The following ATP10D variants were observed in gnomAD, a reference collection of about 807,000 sequenced individuals.
ATP10D encodes phospholipid-transporting ATPase VD.
Under a neutral mutation model 144.8 loss-of-function variants are expected in ATP10D, and 89 were observed. That is an observed-to-expected ratio of 0.61 (90% CI 0.52 to 0.73). ATP10D has a LOEUF of 0.73. Among genes scored for constraint, ATP10D ranks in the 30% least tolerant of loss-of-function variants. The probability of loss-of-function intolerance (pLI) is 0.00; values close to 1 mark genes in which losing one functional copy is unlikely to be tolerated. For missense variants in ATP10D, 1,603 were observed against 1,714.8 expected (o/e 0.93, Z 1.15); for synonymous variants, 571 against 615.1 (o/e 0.93, Z 1.06).
rs11947521 is a variant in ATP10D at position 47,591,959 on chromosome 4, A to G, written c.*578A>G. On this transcript the variant is annotated 3_prime_UTR_variant, in exon 23 of 23. Coordinates refer to ENST00000273859, the MANE Select transcript of ATP10D (RefSeq NM_020453.4). ...TTAATAGCTTTTTATTTCCTATGGG[A>G]AGATGCTTTTGGTCTTCTGGCTGAA... The G allele has an allele frequency of 0.36, 54,164 of 151,802 alleles. 9,928 individuals are homozygous for G. Among genetic ancestry groups the G allele is most frequent in the Admixed American group, 0.4 (6,074 of 15,234 alleles). 9.4% of individuals were successfully genotyped at this position (151,802 alleles called of 1,614,324 possible).
intron 7 of ATP10D, 84 bp downstream of exon 7, chr4:47,536,117 G>T: frequency 6.7e-7 from 1 of 1,485,096 alleles, no homozygotes; most frequent in South Asian, 1.3e-5. Flanking sequence ...GTGAATATTT[G>T]ACTTTGGTAA....
chr4:47,545,136 G>A (rs1463424550), intron 9 of ATP10D, among the ~76,000 whole-genome samples: 1 of 152,198 alleles, frequency 6.6e-6, no homozygotes, highest in Non-Finnish European at 1.5e-5. Context: ...AATTCCGTAG[G>A]AAAGGCTTCC....
In ATP10D at chr4:47,546,626, A is replaced by G. The variant is rs1264025199; in HGVS notation, c.1399A>G (p.Arg467Gly). 2 of 1,613,736 alleles carry G rather than the reference A, an allele frequency of 1.2e-6. No homozygotes were observed. The highest frequency in any genetic ancestry group is 1.7e-6 in the Non-Finnish European group (2 of 1,179,742). ...TCAGTGTGCTTTTTATCCCACAGCC[A>G]GGAGGTTGGAGTCCTATCAGGAAGC... ...GFDYCHEENA[R>G]RLESYQEAVS... is the part of the protein sequence containing the mutation. The change falls in exon 10 of 23, where the codon AGG becomes GGG. Residue 467 changes from arginine to glycine, a missense_variant and splice_region_variant. Arg to Gly is a moderately radical substitution (Grantham distance 125). Transcript: ENST00000273859.
intron 10 of ATP10D, 136 bp downstream of exon 10, chr4:47,546,998 T>C (rs755244274): frequency 2.7e-6 from 2 of 737,338 alleles, no homozygotes; most frequent in Non-Finnish European, 4.4e-6. Flanking sequence ...CTCAGCAAGA[T>C]CACCACACAT....
chr4:47,556,442 T>C (rs1173446991), intron 11 of ATP10D, among the ~76,000 whole-genome samples: 1 of 152,230 alleles, frequency 6.6e-6, no homozygotes, highest in African/African-American at 2.4e-5. Flanking sequence ...TTCTAATAAA[T>C]CTGTTCCCAA....
chr4:47,501,018 A>C (rs1715654703), intron 1 of ATP10D, among the ~76,000 whole-genome samples: 1 of 152,186 alleles, frequency 6.6e-6, no homozygotes, highest in Non-Finnish European at 1.5e-5. Context: ...AGCCACTTTC[A>C]ACCTGTAGGT....
At position 47,560,956 on chromosome 4, in the gene ATP10D, G is replaced by A. The variant is rs1047121089; in HGVS notation, c.2549G>A (p.Ser850Asn). 3 of 1,614,174 alleles carry A rather than the reference G, an allele frequency of 1.9e-6. No homozygotes were observed. Among genetic ancestry groups the A allele is most frequent in the South Asian group, 1.1e-5 (1 of 91,080 alleles). ...RTLCIAKKVMSDTEYAEWLRN... is the reference protein window; with the variant it reads ...RTLCIAKKVMNDTEYAEWLRN... ...TTTTAATTCTTCCCGTAGGTCATGA[G>A]TGACACTGAATATGCAGAGTGGCTG... is the stretch of plus-strand genomic sequence containing the variant. The change falls in exon 14 of 23, where the codon AGT becomes AAT. Residue 850 changes from serine to asparagine, a missense_variant. Coordinates refer to ENST00000273859, the MANE Select transcript of ATP10D (RefSeq NM_020453.4).
chr4:47,512,761 A>G lies in ATP10D; in HGVS notation c.221A>G (p.Asn74Ser), dbSNP rs118048800. The G allele has an allele frequency of 9.0e-5, 145 of 1,614,116 alleles. 1 individual carries two copies. The East Asian group carries it at 3.2e-3, about 35-fold the overall frequency. The change falls in exon 2 of 23, where the codon AAT (asparagine) becomes AGT (serine). Residue 74 changes from asparagine to serine, a missense_variant. Physicochemically the swap from Asn to Ser is conservative, Grantham distance 46. Transcript: ENST00000273859. ...YEKFSGAYVN[N>S]RIRTTKYTLL... is the part of the protein sequence containing the mutation. ...AAGTTCTCCGGAGCCTATGTGAACA[A>G]TCGAATACGAACAACAAAGTACACA...
At chr4:47,494,395 T>C (rs1268038967) in intron 1 of ATP10D, among the ~76,000 whole-genome samples, 1 of 152,086 alleles carries the variant, frequency 6.6e-6, no homozygotes, top group Non-Finnish European at 1.5e-5. Context: ...CCATTAAAGT[T>C]GTAACTAATT....
rs955943532 is a variant in ATP10D at position 47,580,431 on chromosome 4, T to C, written c.3601T>C (p.Leu1201=). ...ACCCCATACCTTCTGGATCACCTTATTGGATGCTTTTTATCAAAGCCTGGT... is the reference window on the plus strand; with the variant it reads ...ACCCCATACCTTCTGGATCACCTTACTGGATGCTTTTTATCAAAGCCTGGT... ...YLPHTFWITL[L]DAFYQSLVCF... Residue 1201 remains leucine (L), a synonymous_variant, in exon 20 of 23, where the codon TTG becomes CTG. Transcript: ENST00000273859. 1.1e-5 allele frequency: 17 copies of C among 1,613,818 alleles called. No homozygotes were observed. Among genetic ancestry groups the C allele is most frequent in the Non-Finnish European group, 1.3e-5 (15 of 1,179,792 alleles).
chr4:47,528,488 TG>T, intron 5 of ATP10D, among the ~76,000 whole-genome samples: 1 of 127,772 alleles, frequency 7.8e-6, no homozygotes, highest in Non-Finnish European at 1.6e-5. Context: ...TGTGTGTGTG[TG>T]TGTGTGTGTG....
chr4:47,582,148 A>G (rs1359906356), intron 21 of ATP10D, 84 bp downstream of exon 21: 2 of 1,110,074 alleles, frequency 1.8e-6, no homozygotes, highest in African/African-American at 3.1e-5. Flanking sequence ...CCCTGAAGAT[A>G]AGTGGTAATG....
chr4:47,533,388 A>T lies in ATP10D; in HGVS notation c.777-2121A>T, dbSNP rs139496870. Among the ~76,000 whole-genome samples, 567 of 152,246 alleles carry T rather than the reference A, an allele frequency of 3.7e-3. 13 individuals are homozygous for T. Among genetic ancestry groups the T allele is most frequent in the Admixed American group, 0.033 (512 of 15,284 alleles). ...GGCCTGTGCATGTGCAGGAATATAAACATATATCTGTTAGAAGAAAGTGCT... is the reference window on the plus strand; with the variant it reads ...GGCCTGTGCATGTGCAGGAATATAATCATATATCTGTTAGAAGAAAGTGCT... On this transcript the variant is annotated intron_variant, in intron 5 of 22. Transcript: ENST00000273859.
At chr4:47,491,136 C>T (rs1715053832) in intron 1 of ATP10D, 1 of 733,620 alleles carries the variant, frequency 1.4e-6, no homozygotes, top group East Asian at 2.7e-5. Flanking sequence ...GATCATTTTC[C>T]TTCATGCGTT....
At chr4:47,492,030 C>T (rs897836083) in intron 1 of ATP10D, among the ~76,000 whole-genome samples, 2 of 152,176 alleles carry the variant, frequency 1.3e-5, no homozygotes, top group Non-Finnish European at 2.9e-5. Flanking sequence ...TCCTAGAAGG[C>T]AGATAATTTT....
intron 5 of ATP10D, among the ~76,000 whole-genome samples, chr4:47,529,054 A>G (rs10027156): frequency 0.31 from 47,028 of 151,990 alleles, 7,801 homozygotes; most frequent in African/African-American, 0.4. Flanking sequence ...TTTGTTAGAT[A>G]CATAGTTTGC....
In ATP10D at chr4:47,546,730, C is replaced by T; in HGVS notation, c.1503C>T (p.Cys501=). The T allele has an allele frequency of 6.2e-7, 1 of 1,614,118 alleles. No homozygotes were observed. Among genetic ancestry groups the T allele is most frequent in the Non-Finnish European group, 8.5e-7 (1 of 1,179,994 alleles). The part of the protein sequence containing the change: ...SNMAKPRAPS[C]RTVHNGPLGN... Reference sequence around the variant, plus strand: ...TGGCAAAACCGAGAGCCCCCAGCTGCAGGACAGTTCATAATGGGCCTTTGG... The same window carrying T: ...TGGCAAAACCGAGAGCCCCCAGCTGTAGGACAGTTCATAATGGGCCTTTGG... Residue 501 remains cysteine, a synonymous_variant, in exon 10 of 23, where the codon TGC becomes TGT. Transcript: ENST00000273859.
chr4:47,557,833 G>T lies in ATP10D; in HGVS notation c.1994G>T (p.Arg665Leu). ...AFVSRLPLFS[R>L]MKPASPVEEE... ...GTGAGCAGACTCCCTCTCTTTAGTC[G>T]AATGAAACCAGCTTCACCTGTGGAG... Residue 665 changes from arginine (R) to leucine (L), a missense_variant, in exon 12 of 23, where the codon CGA becomes CTA. Transcript: ENST00000273859. 1 of 1,614,148 alleles carries T rather than the reference G, an allele frequency of 6.2e-7. No individual in the cohort carries two copies. The highest frequency in any genetic ancestry group is 8.5e-7 in the Non-Finnish European group (1 of 1,180,036).
chr4:47,491,804 C>G (rs1007436302), intron 1 of ATP10D, among the ~76,000 whole-genome samples: 5 of 152,158 alleles, frequency 3.3e-5, no homozygotes, highest in Non-Finnish European at 7.4e-5. Context: ...TTCTGGGAAG[C>G]CTTTCCTCTT....
Sources: allele counts gnomAD v4.1 joint callset (sites outside exome capture counted in the v4.1 genomes callset), GRCh38; gene constraint gnomAD v4.1.1; transcripts MANE v1.5; gene names NCBI Gene and HGNC (gene_info 2026-07-23, HGNC 2026-07-21).